The following RB1 variants were observed in gnomAD, a reference collection of about 807,000 sequenced individuals.
The protein encoded by RB1 is RB transcriptional corepressor 1.
Under a neutral mutation model 135.4 loss-of-function variants are expected in RB1, and 18 were observed. That is an observed-to-expected ratio of 0.13 (90% CI 0.09 to 0.20). RB1 has a LOEUF of 0.20. Ranked by LOEUF, RB1 falls within the 10% of genes least tolerant of loss-of-function variation. The pLI is 1.00. For synonymous variants in RB1, 365 were observed against 373.2 expected, an observed-to-expected ratio of 0.98 and a Z score of 0.25; for missense variants, 868 against 1,110.0, an observed-to-expected ratio of 0.78 and a Z score of 3.10.
chr13:48,430,858 G>A (rs995625562), intron 17 of RB1, among the ~76,000 whole-genome samples: 1 of 152,172 alleles, frequency 6.6e-6, no homozygotes, highest in African/African-American at 2.4e-5. Context: ...GAGCCCAGGA[G>A]TTTGGGGCTG....
intron 20 of RB1, among the ~76,000 whole-genome samples, chr13:48,462,721 G>C (rs1228302593): frequency 6.6e-6 from 1 of 152,106 alleles, no homozygotes; most frequent in Non-Finnish European, 1.5e-5. Flanking sequence ...GTTTATAATT[G>C]TAGTTCTTAC....
chr13:48,316,067 T>C (rs1952178895), intron 2 of RB1, among the ~76,000 whole-genome samples: 1 of 152,216 alleles, frequency 6.6e-6, no homozygotes, highest in Non-Finnish European at 1.5e-5. Context: ...TAGAATCATC[T>C]AGTGATTCAG....
intron 17 of RB1, chr13:48,426,580 C>T (rs1949082494): frequency 6.6e-6 from 1 of 152,164 alleles, no homozygotes. Context: ...TCCACCTTAC[C>T]CCTGTTACAA....
chr13:48,311,414 G>C (rs879375046), intron 2 of RB1, among the ~76,000 whole-genome samples: 15 of 152,178 alleles, frequency 9.9e-5, no homozygotes, highest in Non-Finnish European at 1.3e-4. Context: ...ATCATAGCAT[G>C]TACTTACACA....
intron 20 of RB1, among the ~76,000 whole-genome samples, chr13:48,461,534 T>G (rs1290812759): frequency 6.6e-6 from 1 of 152,232 alleles, no homozygotes; most frequent in East Asian, 1.9e-4. Context: ...CTAGGTCATA[T>G]GATAATTCTA....
At chr13:48,315,623 A>G (rs1183381216) in intron 2 of RB1, among the ~76,000 whole-genome samples, 1 of 152,162 alleles carries the variant, frequency 6.6e-6, no homozygotes, top group Non-Finnish European at 1.5e-5. Context: ...AATGCTTTCA[A>G]CTTTTGCCTC....
intron 1 of RB1, among the ~76,000 whole-genome samples, chr13:48,304,863 G>A (rs1392912989): frequency 6.6e-6 from 1 of 152,056 alleles, no homozygotes; most frequent in East Asian, 1.9e-4. Flanking sequence ...AACCAGCAAG[G>A]ATCTTGGTGT....
chr13:48,353,871 A>G (rs1418593576), intron 6 of RB1, among the ~76,000 whole-genome samples: 1 of 152,182 alleles, frequency 6.6e-6, no homozygotes, highest in Non-Finnish European at 1.5e-5. Context: ...CTGAAAAAGC[A>G]TTTGATAAAA....
rs2057770751 is a variant in RB1 at position 48,319,334 on chromosome 13, G to C, written c.264+11928G>C. 2 of 544,624 alleles carry C rather than the reference G, an allele frequency of 3.7e-6. No homozygotes were observed. The highest frequency in any genetic ancestry group is 6.5e-6 in the Non-Finnish European group (2 of 308,322). The allele number at this position is 544,624 out of a possible 1,614,324, so 33.7% of individuals were successfully genotyped here. A position where few individuals can be genotyped will look rare whatever the true frequency, so the allele number is the denominator to read the frequency against. ...GCTGGGCCCTCTGGGGCAGGTCCCC[G>C]TTGGCCTCCTTGCGTGTTTGCCGCA... On this transcript the variant is annotated intron_variant, in intron 2 of 26. Transcript: ENST00000267163. The surrounding 1 kb of genome is among the most constrained non-coding windows in gnomAD (Gnocchi z 5.0).
intron 13 of RB1, among the ~76,000 whole-genome samples, chr13:48,378,158 T>A (rs1397758412): frequency 6.6e-6 from 1 of 152,138 alleles, no homozygotes; most frequent in Middle Eastern, 3.2e-3. Flanking sequence ...CTAAACTAAT[T>A]TCATAAACAT....
At chr13:48,449,680 T>C (rs535556557) in intron 17 of RB1, among the ~76,000 whole-genome samples, 9 of 152,274 alleles carry the variant, frequency 5.9e-5, no homozygotes, top group African/African-American at 2.2e-4. Flanking sequence ...GCCATGATTG[T>C]GCCACTGTGC....
At chr13:48,458,115 T>C (rs1593533423) in intron 19 of RB1, among the ~76,000 whole-genome samples, 2 of 152,192 alleles carry the variant, frequency 1.3e-5, no homozygotes, top group South Asian at 2.1e-4. Context: ...GGTTCCTGCT[T>C]GTCCCCGGCT....
intron 2 of RB1, among the ~76,000 whole-genome samples, chr13:48,322,322 G>T (rs1339297620): frequency 1.3e-5 from 2 of 152,078 alleles, no homozygotes; most frequent in Non-Finnish European, 2.9e-5. Context: ...CACATAGGTT[G>T]TTTCCATATT....
rs1952655034 is a variant in RB1, at chr13:48,362,823, G to C, written c.727G>C (p.Val243Leu). 1 of 1,613,626 alleles carries C rather than the reference G, an allele frequency of 6.2e-7. No homozygotes were observed. Among genetic ancestry groups the C allele is most frequent in the Non-Finnish European group, 8.5e-7 (1 of 1,179,690 alleles). ...MLLKEPYKTA[V>L]IPINGSPRTP... ...ATTTACCACTTTTACAGAAACAGCT[G>C]TTATACCCATTAATGGTTCACCTCG... is the stretch of plus-strand genomic sequence containing the variant. The change falls in exon 8 of 27, where the codon GTT (valine) becomes CTT (leucine). Residue 243 changes from valine to leucine, a missense_variant. Physicochemically the swap from Val to Leu is conservative, Grantham distance 32. Transcript: ENST00000267163.
chr13:48,388,265 G>T (rs1442530424), intron 17 of RB1, among the ~76,000 whole-genome samples: 1 of 152,146 alleles, frequency 6.6e-6, no homozygotes, highest in Non-Finnish European at 1.5e-5. Flanking sequence ...AACTTAAGTG[G>T]ATAGTAGTGT....
intron 2 of RB1, chr13:48,341,161 A>G (rs548528137): frequency 6.6e-6 from 1 of 152,072 alleles, no homozygotes; most frequent in Non-Finnish European, 1.5e-5. Context: ...CTAGAATTTC[A>G]TATGAAAGGA....
At chr13:48,315,931 C>G (rs2138046552) in intron 2 of RB1, among the ~76,000 whole-genome samples, 1 of 152,280 alleles carries the variant, frequency 6.6e-6, no homozygotes, top group East Asian at 1.9e-4. Context: ...CACTGTTTTC[C>G]ATAGAGGTTG....
intron 4 of RB1, 134 bp from the exon 5 acceptor site, chr13:48,347,691 T>C (rs1158271066): frequency 3.3e-6 from 2 of 610,864 alleles, no homozygotes; most frequent in Non-Finnish European, 5.8e-6. Flanking sequence ...ACTTGAACTT[T>C]GTTTTATAAT....
chr13:48,473,268 C>T lies in RB1; in HGVS notation c.2490-92C>T, dbSNP rs1593544539. Reference sequence around the variant, plus strand: ...TAGAGGTAACCTTTAATTTGGTATTCCTAATAGTTCAGAATGATGTATTTA... The same window carrying T: ...TAGAGGTAACCTTTAATTTGGTATTTCTAATAGTTCAGAATGATGTATTTA... On this transcript the variant is annotated intron_variant, in intron 23 of 26. Transcript: ENST00000267163. The T allele has an allele frequency of 2.0e-6, 2 of 1,002,892 alleles. No homozygotes were observed. Among genetic ancestry groups the T allele is most frequent in the Non-Finnish European group, 1.6e-6 (1 of 643,236 alleles). 62.1% of individuals were successfully genotyped at this position (1,002,892 alleles called of 1,614,324 possible).
Sources: allele counts gnomAD v4.1 joint callset (sites outside exome capture counted in the v4.1 genomes callset), GRCh38; gene constraint gnomAD v4.1.1; non-coding constraint Gnocchi (gnomAD v3.1); transcripts MANE v1.5; gene names NCBI Gene and HGNC (gene_info 2026-07-23, HGNC 2026-07-21).